The following METTL8 variants were observed in gnomAD, a reference collection of about 807,000 sequenced individuals.
METTL8 encodes the protein tRNA N(3)-cytidine methyltransferase METTL8, mitochondrial.
Under a neutral mutation model 48.7 loss-of-function variants are expected in METTL8, and 32 were observed. That is an observed-to-expected ratio of 0.66 (90% confidence interval 0.50 to 0.88). The LOEUF is 0.88. Among genes scored for constraint, METTL8 ranks in the 40% least tolerant of loss-of-function variants. METTL8 has a pLI of 0.00. For missense variants in METTL8, 464 were observed against 474.4 expected, an observed-to-expected ratio of 0.98 and a Z score of 0.20; for synonymous variants, 136 against 157.1, an observed-to-expected ratio of 0.87 and a Z score of 1.01.
chr2:171,373,223 T>C (rs1686557631), intron 2 of METTL8, among the ~76,000 whole-genome samples: 2 of 152,346 alleles, frequency 1.3e-5, no homozygotes, highest in African/African-American at 2.4e-5. Context: ...TTTGCATTTC[T>C]CTGATGGCCA....
At chr2:171,434,704 G>T, upstream of METTL8, 1 of 1,471,684 alleles carries the variant, frequency 6.8e-7, no homozygotes, top group Non-Finnish European at 8.9e-7. Flanking sequence ...GGTGTGCCAG[G>T]TGACCGCCAG....
In METTL8 at chr2:171,327,427, T is replaced by C. The variant is rs79010131; in HGVS notation, c.861-1279A>G. Among the ~76,000 whole-genome samples, 277 of 152,362 alleles carry C rather than the reference T, an allele frequency of 1.8e-3. 6 individuals are homozygous for C. The East Asian group carries it at 0.028, about 15-fold the overall frequency. On this transcript the variant is annotated intron_variant, in intron 7 of 9. Transcript: ENST00000375258. The stretch of plus-strand genomic sequence containing the variant: ...CAAAATCGATTATCAATGTCTGCCA[T>C]GGGCAGAGAATGGTAAATGGCAGCT...
chr2:171,408,794 C>A (rs1690451722), intron 1 of METTL8, among the ~76,000 whole-genome samples: 1 of 152,160 alleles, frequency 6.6e-6, no homozygotes, highest in Non-Finnish European at 1.5e-5. Context: ...TGATACCTAA[C>A]TTCGCTAGTC....
chr2:171,381,618 C>G (rs1248992053), intron 2 of METTL8, among the ~76,000 whole-genome samples: 4 of 151,980 alleles, frequency 2.6e-5, no homozygotes, highest in Non-Finnish European at 5.9e-5. Context: ...CAAAAGAAGA[C>G]ATTTATGCAG....
At chr2:171,374,984 G>T in intron 2 of METTL8, 3 of 1,079,080 alleles carry the variant, frequency 2.8e-6, no homozygotes, top group East Asian at 2.4e-5. Context: ...CTAAATCAGG[G>T]TGGGGGTGTT....
At chr2:171,328,531 C>T (rs1685191601) in intron 7 of METTL8, among the ~76,000 whole-genome samples, 1 of 152,096 alleles carries the variant, frequency 6.6e-6, no homozygotes, top group African/African-American at 2.4e-5. Context: ...TTTTTTGAGA[C>T]AGGGTCTTAC....
intron 3 of METTL8, among the ~76,000 whole-genome samples, chr2:171,357,924 G>C (rs949693107): frequency 2.0e-5 from 3 of 152,024 alleles, no homozygotes; most frequent in African/African-American, 7.2e-5. Flanking sequence ...TTGAACTCCT[G>C]GGCTCAAGCA....
chr2:171,330,639 A>G lies in METTL8; in HGVS notation c.780T>C (p.Asp260=), dbSNP rs1052566448. The G allele has an allele frequency of 6.2e-7, 1 of 1,613,670 alleles. No homozygotes were observed. Among genetic ancestry groups the G allele is most frequent in the African/African-American group, 1.3e-5 (1 of 75,042 alleles). Residue 260 remains aspartate (D), a synonymous_variant, in exon 7 of 10, where the codon GAT becomes GAC. Transcript: ENST00000375258. ...CATCTGGAAAAGGGTAAGGTAAGCC[A>G]TCATCACATACATCATGAACAAAGG... ...CFAFVHDVCD[D]GLPYPFPDGI... is the part of the protein sequence containing the mutation.
At chr2:171,347,409 C>T (rs781378797) in intron 3 of METTL8, among the ~76,000 whole-genome samples, 59 of 152,120 alleles carry the variant, frequency 3.9e-4, no homozygotes, top group Non-Finnish European at 6.6e-4. Context: ...TTCTCATTAG[C>T]TTCACCAAGT....
intron 1 of METTL8, among the ~76,000 whole-genome samples, chr2:171,419,350 C>T (rs1691650901): frequency 6.6e-6 from 1 of 152,148 alleles, no homozygotes; most frequent in Non-Finnish European, 1.5e-5. Flanking sequence ...TCATCTGTAT[C>T]TATATTAAAC....
chr2:171,320,015 G>A lies in METTL8; in HGVS notation c.*4157C>T, dbSNP rs1684450280. 6.6e-6 allele frequency: 1 copy of A among 151,848 alleles called. No homozygotes were observed. Among genetic ancestry groups the A allele is most frequent in the Admixed American group, 6.6e-5 (1 of 15,236 alleles). 9.4% of individuals were successfully genotyped at this position (151,848 alleles called of 1,614,324 possible). Reference sequence around the variant, plus strand: ...TGGTCCTAGCTTTATGGATGTGAGGGGTAAATTAGAATTTCATGCAGTTAT... The same window carrying A: ...TGGTCCTAGCTTTATGGATGTGAGGAGTAAATTAGAATTTCATGCAGTTAT... On this transcript the variant is annotated 3_prime_UTR_variant, in exon 10 of 10. Transcript: ENST00000375258.
rs568265477 is a variant in METTL8 at position 171,375,150 on chromosome 2, G to A, written c.144-14637C>T. 73 of 1,457,072 alleles carry A rather than the reference G, an allele frequency of 5.0e-5. No homozygotes were observed. In the Admixed American group the frequency reaches 6.7e-4, roughly 13 times the overall value. 90.3% of individuals were successfully genotyped at this position (1,457,072 alleles called of 1,614,324 possible). On this transcript the variant is annotated intron_variant, in intron 2 of 9. Transcript: ENST00000375258. ...CCCTGACTGCTGCGGCCTCCACTAC[G>A]TTTCGAATGACGAATTTCTTAATGG...
chr2:171,371,836 C>CTATTACTATTATTAT (rs770382574), intron 2 of METTL8, among the ~76,000 whole-genome samples: 2 of 143,856 alleles, frequency 1.4e-5, no homozygotes, highest in Admixed American at 1.4e-4. Flanking sequence ...GTTATTATTA[C>CTATTACTATTATTAT]TATTATTATT....
At chr2:171,360,806 T>A (rs997548563) in intron 2 of METTL8, among the ~76,000 whole-genome samples, 1 of 152,164 alleles carries the variant, frequency 6.6e-6, no homozygotes, top group Non-Finnish European at 1.5e-5. Flanking sequence ...ACTATTTGGG[T>A]GCTGGTATGC....
intron 3 of METTL8, among the ~76,000 whole-genome samples, chr2:171,347,770 G>A (rs1683431497): frequency 6.6e-6 from 1 of 152,198 alleles, no homozygotes; most frequent in Non-Finnish European, 1.5e-5. Flanking sequence ...TTCCTGCAAA[G>A]GAATGCAATA....
In METTL8 at chr2:171,326,165, T is replaced by C; in HGVS notation, c.861-17A>G. ...CCTTGCATCCTTTGGAAACAAAGTA[T>C]TAAAAAGATACCCAGTTTGTAGAAA... On this transcript the variant is annotated splice_polypyrimidine_tract_variant and intron_variant, in intron 7 of 9. Transcript: ENST00000375258. 7.6e-7 allele frequency: 1 copy of C among 1,314,494 alleles called. No homozygotes were observed. Among genetic ancestry groups the C allele is most frequent in the South Asian group, 1.3e-5 (1 of 75,066 alleles). 81.4% of individuals were successfully genotyped at this position (1,314,494 alleles called of 1,614,324 possible).
At chr2:171,328,088 A>G (rs1685139312) in intron 7 of METTL8, among the ~76,000 whole-genome samples, 1 of 152,124 alleles carries the variant, frequency 6.6e-6, no homozygotes, top group Non-Finnish European at 1.5e-5. Flanking sequence ...TCCCGAGCCA[A>G]TTCCTGAGAA....
intron 3 of METTL8, among the ~76,000 whole-genome samples, chr2:171,359,131 A>T (rs1684888981): frequency 6.7e-6 from 1 of 149,656 alleles, no homozygotes; most frequent in Non-Finnish European, 1.5e-5. Flanking sequence ...GTGAGCCATG[A>T]TCTCATCACT....
At chr2:171,408,129 A>G (rs755603834) in intron 1 of METTL8, among the ~76,000 whole-genome samples, 1 of 152,204 alleles carries the variant, frequency 6.6e-6, no homozygotes, top group African/African-American at 2.4e-5. Context: ...TAGGAGCTCT[A>G]TGTACAAGGA....
Sources: allele counts gnomAD v4.1 joint callset (sites outside exome capture counted in the v4.1 genomes callset), GRCh38; gene constraint gnomAD v4.1.1; transcripts MANE v1.5; gene names NCBI Gene and HGNC (gene_info 2026-07-23, HGNC 2026-07-21).